LRRIQ3: variants seen among roughly 807,000 people sequenced by gnomAD.
The protein encoded by LRRIQ3 is leucine rich repeats and IQ motif containing 3, also known as leucine-rich repeat and IQ domain-containing protein 3.
In LRRIQ3, 75 loss-of-function variants were observed where a neutral mutation model predicts 59.3. That is an observed-to-expected ratio of 1.26 (90% CI 1.05 to 1.53). LRRIQ3 has a LOEUF of 1.53. Ranked by LOEUF, LRRIQ3 falls within the 40% of genes most tolerant of loss-of-function variation. The pLI is 0.00. For missense variants in LRRIQ3, 831 were observed against 710.0 expected (o/e 1.17, Z -1.94); for synonymous variants, 250 against 231.3 (o/e 1.08, Z -0.73).
At chr1:74,122,341 G>A (rs1021774569) in intron 4 of LRRIQ3, among the ~76,000 whole-genome samples, 9 of 152,104 alleles carry the variant, frequency 5.9e-5, no homozygotes, top group African/African-American at 9.7e-5. Context: ...GTGATGATGA[G>A]CATTTTTTCA....
At chr1:74,147,072 A>T (rs1052216493) in intron 4 of LRRIQ3, among the ~76,000 whole-genome samples, 7 of 151,974 alleles carry the variant, frequency 4.6e-5, no homozygotes, top group Non-Finnish European at 1.5e-5. Flanking sequence ...TATAAAAAAT[A>T]CAAAAATGAG....
chr1:74,098,244 G>C (rs1646476146), intron 5 of LRRIQ3, among the ~76,000 whole-genome samples: 1 of 152,088 alleles, frequency 6.6e-6, no homozygotes, highest in Non-Finnish European at 1.5e-5. Context: ...AAAAAAGGCA[G>C]GGGTTGCAAT....
intron 5 of LRRIQ3, among the ~76,000 whole-genome samples, chr1:74,105,781 C>A (rs560384524): frequency 1.3e-5 from 2 of 151,912 alleles, no homozygotes; most frequent in Admixed American, 6.6e-5. Flanking sequence ...GTATATAGTT[C>A]CATGAGTCTT....
intron 1 of LRRIQ3, among the ~76,000 whole-genome samples, chr1:74,192,592 A>G (rs761647522): frequency 7.9e-5 from 12 of 152,108 alleles, no homozygotes; most frequent in Non-Finnish European, 1.8e-4. Flanking sequence ...AGTCTTCCCC[A>G]TACACTATAT....
At chr1:74,052,721 A>T (rs894229881) in intron 6 of LRRIQ3, among the ~76,000 whole-genome samples, 8 of 152,096 alleles carry the variant, frequency 5.3e-5, no homozygotes, top group African/African-American at 1.9e-4. Context: ...CTTATTATAT[A>T]ACAATTACAA....
chr1:74,193,020 T>C (rs1004271702), intron 1 of LRRIQ3, among the ~76,000 whole-genome samples: 1 of 152,122 alleles, frequency 6.6e-6, no homozygotes, highest in East Asian at 1.9e-4. Context: ...TGGGCCCATA[T>C]GATTCTACTG....
At chr1:74,068,308 T>C (rs1409215195) in intron 6 of LRRIQ3, among the ~76,000 whole-genome samples, 1 of 152,100 alleles carries the variant, frequency 6.6e-6, no homozygotes, top group Non-Finnish European at 1.5e-5. Flanking sequence ...TAAGAATCAA[T>C]GTGGGTCAGG....
chr1:74,095,994 TA>T (rs1646444565), intron 5 of LRRIQ3, among the ~76,000 whole-genome samples: 1 of 152,002 alleles, frequency 6.6e-6, no homozygotes, highest in Admixed American at 6.6e-5. Flanking sequence ...ATTCAAAGTG[TA>T]AAAAGTTTAA....
chr1:74,084,523 T>C (rs1646306608), intron 5 of LRRIQ3, among the ~76,000 whole-genome samples: 1 of 151,798 alleles, frequency 6.6e-6, no homozygotes, highest in Non-Finnish European at 1.5e-5. Context: ...GAAACGAGTG[T>C]ATGCATTTCT....
At chr1:74,185,844 G>A (rs914934959) in intron 1 of LRRIQ3, among the ~76,000 whole-genome samples, 7 of 151,904 alleles carry the variant, frequency 4.6e-5, no homozygotes, top group Non-Finnish European at 7.4e-5. Context: ...TCGGGAGGCT[G>A]AGGCAGGAGA....
At chr1:74,098,874 A>G (rs1204471780) in intron 5 of LRRIQ3, among the ~76,000 whole-genome samples, 4 of 152,196 alleles carry the variant, frequency 2.6e-5, no homozygotes, top group Non-Finnish European at 4.4e-5. Flanking sequence ...AAGACACAAC[A>G]TACCAGAATC....
rs767965435 is a variant in LRRIQ3 at position 74,041,803 on chromosome 1, ATGT to A, written c.1125_1127del (p.Gln375del). 2.4e-5 allele frequency: 38 copies of A among 1,613,622 alleles called. No individual in the cohort carries two copies. In the South Asian group the frequency reaches 3.6e-4, roughly 15 times the overall value. ...TTGGCTGAGGATATGCAGGAAAAAAATGTTGTTTTTTCTCTCTCAATACTGCAT... is the reference window on the plus strand; with the variant it reads ...TTGGCTGAGGATATGCAGGAAAAAAATGTTTTTTCTCTCTCAATACTGCAT... On this transcript the variant is annotated inframe_deletion, in exon 7 of 8. Transcript: ENST00000354431.
At chr1:74,177,518 G>C (rs957510317) in intron 3 of LRRIQ3, among the ~76,000 whole-genome samples, 1 of 151,998 alleles carries the variant, frequency 6.6e-6, no homozygotes, top group Non-Finnish European at 1.5e-5. Flanking sequence ...GGAAAATGAA[G>C]AATTTACCAC....
chr1:74,105,858 A>G (rs527625086), intron 5 of LRRIQ3, among the ~76,000 whole-genome samples: 117 of 152,152 alleles, frequency 7.7e-4, no homozygotes, highest in African/African-American at 2.6e-3. Context: ...GAATTCAAGC[A>G]AATCAGCAGT....
At position 74,113,451 on chromosome 1, in the gene LRRIQ3, C is replaced by T. The variant is rs886725548; in HGVS notation, c.708-3898G>A. Among the ~76,000 whole-genome samples the T allele has an allele frequency of 2.0e-5, 3 of 152,058 alleles. No individual in the cohort carries two copies. In the East Asian group the frequency reaches 5.8e-4, roughly 29 times the overall value. On this transcript the variant is annotated intron_variant, in intron 4 of 7. Transcript: ENST00000354431. ...AGTCCAATGAATGTAAAGAGGTCCA[C>T]GTCCAGACACATCATAGTAAAATTA...
At chr1:74,095,863 G>A (rs1375041520) in intron 5 of LRRIQ3, among the ~76,000 whole-genome samples, 1 of 152,004 alleles carries the variant, frequency 6.6e-6, no homozygotes, top group Non-Finnish European at 1.5e-5. Flanking sequence ...TGATGGAGAT[G>A]TTTAGCAGAG....
chr1:74,171,832 T>C (rs1649339242), intron 3 of LRRIQ3, among the ~76,000 whole-genome samples: 1 of 152,196 alleles, frequency 6.6e-6, no homozygotes, highest in Admixed American at 6.5e-5. Context: ...AAGCATTCTA[T>C]TTTTTCTTGA....
chr1:74,183,384 A>T (rs774839046), intron 2 of LRRIQ3, 52 bp downstream of exon 2: 1 of 1,467,488 alleles, frequency 6.8e-7, no homozygotes, highest in South Asian at 1.5e-5. Context: ...AGTACTTATT[A>T]TAAGACTGAA....
intron 4 of LRRIQ3, among the ~76,000 whole-genome samples, chr1:74,152,814 G>T (rs1372146225): frequency 6.6e-6 from 1 of 152,106 alleles, no homozygotes; most frequent in East Asian, 1.9e-4. Flanking sequence ...AAGGAGCATG[G>T]AATTTGGAAT....
Sources: allele counts gnomAD v4.1 joint callset (sites outside exome capture counted in the v4.1 genomes callset), GRCh38; gene constraint gnomAD v4.1.1; transcripts MANE v1.5; gene names NCBI Gene and HGNC (gene_info 2026-07-23, HGNC 2026-07-21).